Variants in MAP2K6 observed in about 807,000 individuals in gnomAD.
The protein encoded by MAP2K6 is mitogen-activated protein kinase kinase 6.
MAP2K6 carries 16 observed loss-of-function variants against 53.7 expected under a neutral mutation model. The observed-to-expected ratio is 0.30, with a 90% confidence interval of 0.20 to 0.45. The LOEUF (loss-of-function observed/expected upper bound fraction) is 0.45, where lower values mean the gene tolerates loss of function less well. Ranked by LOEUF, MAP2K6 falls within the 20% of genes least tolerant of loss-of-function variation. The pLI, the probability that MAP2K6 is intolerant of heterozygous loss-of-function variation, is 1.00. For missense variants in MAP2K6, 204 were observed against 411.9 expected, an observed-to-expected ratio of 0.50 and a Z score of 4.37; for synonymous variants, 132 against 143.1, an observed-to-expected ratio of 0.92 and a Z score of 0.55.
chr17:69,529,660 G>A (rs1378960771), intron 10 of MAP2K6, among the ~76,000 whole-genome samples: 1 of 151,830 alleles, frequency 6.6e-6, no homozygotes, highest in South Asian at 2.1e-4. Flanking sequence ...ACAGGTGCCC[G>A]CCACCACGCC....
At chr17:69,516,250 C>T (rs1012729039) in intron 2 of MAP2K6, among the ~76,000 whole-genome samples, 7 of 151,640 alleles carry the variant, frequency 4.6e-5, no homozygotes, top group African/African-American at 1.2e-4. Context: ...TGGGAGACAG[C>T]AACAGATCAT....
chr17:69,424,837 T>A (rs572353925), intron 1 of MAP2K6, among the ~76,000 whole-genome samples: 1 of 152,318 alleles, frequency 6.6e-6, no homozygotes, highest in African/African-American at 2.4e-5. Context: ...TTTTGACTCT[T>A]AAGGTTGAGT....
chr17:69,472,111 G>A (rs866376653), intron 1 of MAP2K6, among the ~76,000 whole-genome samples: 2 of 151,974 alleles, frequency 1.3e-5, no homozygotes, highest in African/African-American at 2.4e-5. Context: ...TTAACATATC[G>A]TTCTTCAACT....
At chr17:69,480,118 T>A (rs1261899126) in intron 1 of MAP2K6, among the ~76,000 whole-genome samples, 1 of 152,176 alleles carries the variant, frequency 6.6e-6, no homozygotes, top group Non-Finnish European at 1.5e-5. Context: ...GCAAAAAGTA[T>A]TTTTTAAAAT....
intron 11 of MAP2K6, among the ~76,000 whole-genome samples, chr17:69,540,886 A>G (rs995430653): frequency 6.6e-6 from 1 of 152,212 alleles, no homozygotes; most frequent in Non-Finnish European, 1.5e-5. Context: ...CTCCAACGTC[A>G]AGGGCGAGGG....
Position 69,550,968 on chromosome 17 carries a change from G to A in MAP2K6, c.*9215G>A, listed in dbSNP as rs2144894289. 1 of 152,224 alleles carries A rather than the reference G, an allele frequency of 6.6e-6. No individual in the cohort carries two copies. Among genetic ancestry groups the A allele is most frequent in the East Asian group, 1.9e-4 (1 of 5,186 alleles). The allele number at this position is 152,224 out of a possible 1,614,324, so 9.4% of individuals were successfully genotyped here. A position where few individuals can be genotyped will look rare whatever the true frequency, so the allele number is the denominator to read the frequency against. On this transcript the variant is annotated 3_prime_UTR_variant, in exon 12 of 12. Transcript: ENST00000590474. The stretch of plus-strand genomic sequence containing the variant: ...AGGGAGATAGGTGGCCAGAAGACAG[G>A]GTCATTTAATTTTAATTGAGCATAA...
At chr17:69,524,257 C>G (rs1910645577) in intron 8 of MAP2K6, among the ~76,000 whole-genome samples, 1 of 151,900 alleles carries the variant, frequency 6.6e-6, no homozygotes. Context: ...TACATATAGC[C>G]TGCACAGTTT....
chr17:69,491,391 G>A (rs1170306243), intron 1 of MAP2K6, among the ~76,000 whole-genome samples: 3 of 152,080 alleles, frequency 2.0e-5, no homozygotes, highest in Non-Finnish European at 2.9e-5. Flanking sequence ...TATTCTGCCC[G>A]CCTTGGCTTC....
chr17:69,419,905 C>T (rs896224166), intron 1 of MAP2K6, among the ~76,000 whole-genome samples: 1 of 123,296 alleles, frequency 8.1e-6, no homozygotes, highest in Non-Finnish European at 1.7e-5. Context: ...CAGAGCCAGA[C>T]TTCATCTCAA....
chr17:69,479,360 T>A (rs1223429694), intron 1 of MAP2K6, among the ~76,000 whole-genome samples: 1 of 152,160 alleles, frequency 6.6e-6, no homozygotes, highest in Non-Finnish European at 1.5e-5. Flanking sequence ...CACACTCGGG[T>A]ACTTAACACA....
At chr17:69,422,288 T>C (rs1156966059) in intron 1 of MAP2K6, among the ~76,000 whole-genome samples, 1 of 151,686 alleles carries the variant, frequency 6.6e-6, no homozygotes, top group Non-Finnish European at 1.5e-5. Flanking sequence ...CCTGCCACCA[T>C]ACCAGGCTAA....
intron 10 of MAP2K6, among the ~76,000 whole-genome samples, chr17:69,534,280 C>G (rs762684544): frequency 6.6e-6 from 1 of 152,224 alleles, no homozygotes; most frequent in African/African-American, 2.4e-5. Context: ...ATTCATTTCA[C>G]TCAGCACACA....
chr17:69,502,387 C>G, intron 1 of MAP2K6: 14 of 985,448 alleles, frequency 1.4e-5, no homozygotes, highest in Non-Finnish European at 1.7e-5. Flanking sequence ...CTGCTGGTCT[C>G]TTACTGTGCT....
At chr17:69,537,637 C>G (rs1911421394) in intron 11 of MAP2K6, among the ~76,000 whole-genome samples, 1 of 152,220 alleles carries the variant, frequency 6.6e-6, no homozygotes, top group Non-Finnish European at 1.5e-5. Flanking sequence ...GTTTTCACTT[C>G]TGTTGCCTAA....
intron 2 of MAP2K6, among the ~76,000 whole-genome samples, chr17:69,508,040 A>ATTTT (rs1909606304): frequency 1.8e-4 from 7 of 39,424 alleles, no homozygotes; most frequent in Admixed American, 1.0e-3. Flanking sequence ...ATATATATGT[A>ATTTT]GTTTTTTTTT....
chr17:69,511,129 G>C (rs1167813878), intron 2 of MAP2K6, among the ~76,000 whole-genome samples: 1 of 151,884 alleles, frequency 6.6e-6, no homozygotes, highest in Non-Finnish European at 1.5e-5. Flanking sequence ...CCCTTTCTTG[G>C]TATAAACAAG....
intron 2 of MAP2K6, 111 bp from the exon 3 acceptor site, chr17:69,516,744 G>T: frequency 1.3e-6 from 1 of 756,608 alleles, no homozygotes; most frequent in South Asian, 1.8e-5. Flanking sequence ...GTTTACTCAT[G>T]AACTTCCACT....
chr17:69,462,066 C>T (rs887179884), intron 1 of MAP2K6, among the ~76,000 whole-genome samples: 10 of 152,152 alleles, frequency 6.6e-5, no homozygotes, highest in Admixed American at 1.3e-4. Context: ...TACAGACATT[C>T]GGGATGGTGG....
intron 1 of MAP2K6, among the ~76,000 whole-genome samples, chr17:69,469,491 C>T (rs754259411): frequency 5.3e-4 from 80 of 152,180 alleles, no homozygotes; most frequent in Non-Finnish European, 7.9e-4. Flanking sequence ...GGTCCAGGTG[C>T]GGTGGTGCAC....
Sources: allele counts gnomAD v4.1 joint callset (sites outside exome capture counted in the v4.1 genomes callset), GRCh38; gene constraint gnomAD v4.1.1; transcripts MANE v1.5; gene names NCBI Gene and HGNC (gene_info 2026-07-23, HGNC 2026-07-21).